The following CREBL2 variants were observed in gnomAD, a reference collection of about 807,000 sequenced individuals.
CREBL2 encodes cAMP-responsive element-binding protein-like 2.
In CREBL2, 4 loss-of-function variants were observed where a neutral mutation model predicts 19.5. That is an observed-to-expected ratio of 0.20 (90% CI 0.10 to 0.47). The LOEUF is 0.47. CREBL2 is among the 20% of genes least tolerant of loss of function. The probability of loss-of-function intolerance (pLI) is 0.98; values close to 1 mark genes in which losing one functional copy is unlikely to be tolerated. For missense variants in CREBL2, 85 were observed against 145.1 expected, an observed-to-expected ratio of 0.59 and a Z score of 2.13; for synonymous variants, 42 against 46.6, an observed-to-expected ratio of 0.90 and a Z score of 0.40.
intron 1 of CREBL2, among the ~76,000 whole-genome samples, chr12:12,620,060 T>C (rs1945348358): frequency 2.0e-5 from 3 of 152,194 alleles, no homozygotes; most frequent in Admixed American, 2.0e-4. Flanking sequence ...TTAACCATCC[T>C]CTGCTGCAGT....
At chr12:12,629,291 T>C (rs1004023847) in intron 1 of CREBL2, among the ~76,000 whole-genome samples, 8 of 152,238 alleles carry the variant, frequency 5.3e-5, no homozygotes, top group African/African-American at 1.9e-4. Context: ...TTAATTTCTT[T>C]TAATGATATT....
Position 12,642,634 on chromosome 12 carries a change from A to G in CREBL2, c.*636A>G, listed in dbSNP as rs557313000. The G allele has an allele frequency of 1.7e-4, 26 of 152,460 alleles. No homozygotes were observed. The highest frequency in any genetic ancestry group is 4.6e-4 in the African/African-American group (19 of 41,586). The allele number at this position is 152,460 out of a possible 1,614,324, so 9.4% of individuals were successfully genotyped here. On this transcript the variant is annotated 3_prime_UTR_variant, in exon 4 of 4. Transcript: ENST00000228865. ...TATGCCTGTTTTAAATAACATACATATTAACAATATCTATCAGGAAAACCC... is the reference window on the plus strand; with the variant it reads ...TATGCCTGTTTTAAATAACATACATGTTAACAATATCTATCAGGAAAACCC...
At chr12:12,625,726 T>C (rs1249952930) in intron 1 of CREBL2, among the ~76,000 whole-genome samples, 1 of 152,230 alleles carries the variant, frequency 6.6e-6, no homozygotes, top group African/African-American at 2.4e-5. Flanking sequence ...TCTGTGTCTA[T>C]GTATACACAT....
rs910791351 is a variant in CREBL2, at chr12:12,638,739, A to G, written c.358+1025A>G. The stretch of plus-strand genomic sequence containing the variant: ...GCAGAAAGGCTGGCTAAGGTGCCCA[A>G]GGTCACACAGCTTTAATGGTAGAAC... On this transcript the variant is annotated intron_variant, in intron 3 of 3. Transcript: ENST00000228865. Among the ~76,000 whole-genome samples, 8 of 152,204 alleles carry G rather than the reference A, an allele frequency of 5.3e-5. No individual in the cohort carries two copies. In the East Asian group the frequency reaches 5.8e-4, roughly 11 times the overall value.
At chr12:12,626,339 A>C (rs1438788428) in intron 1 of CREBL2, among the ~76,000 whole-genome samples, 1 of 152,166 alleles carries the variant, frequency 6.6e-6, no homozygotes, top group East Asian at 1.9e-4. Flanking sequence ...TGTAATGGTT[A>C]ATTATAGAAT....
In CREBL2 at chr12:12,641,253, ATTTTTTTTTATTT is replaced by A. The variant is rs1178784589; in HGVS notation, c.359-731_359-719del. 5.2e-4 allele frequency among the ~76,000 whole-genome samples: 41 copies of A among 78,240 alleles called. 1 individual carries two copies. In the East Asian group the frequency reaches 1.0e-2, roughly 19 times the overall value. 51.3% of individuals were successfully genotyped at this position (78,240 alleles called of 152,430 possible). On this transcript the variant is annotated intron_variant, in intron 3 of 3. Coordinates refer to ENST00000228865, the MANE Select transcript of CREBL2 (RefSeq NM_001310.4). Reference sequence around the variant, plus strand: ...TATTATTATTATTATTATTATTATTATTTTTTTTTATTTTTTTTTTTTTTAGGTCAACCTCTGG... The same window carrying A: ...TATTATTATTATTATTATTATTATTATTTTTTTTTTTAGGTCAACCTCTGG...
intron 1 of CREBL2, among the ~76,000 whole-genome samples, chr12:12,632,070 T>G (rs1945445813): frequency 2.1e-5 from 1 of 48,166 alleles, no homozygotes; most frequent in Non-Finnish European, 4.5e-5. Flanking sequence ...ATGCCTTTCT[T>G]TTTTTTTTTT....
chr12:12,626,396 C>G (rs1416561581), intron 1 of CREBL2, among the ~76,000 whole-genome samples: 1 of 152,118 alleles, frequency 6.6e-6, no homozygotes, highest in African/African-American at 2.4e-5. Context: ...TCTTAATTCT[C>G]AACCTTAAAA....
chr12:12,619,731 A>G (rs1215758812), intron 1 of CREBL2, among the ~76,000 whole-genome samples: 2 of 152,196 alleles, frequency 1.3e-5, no homozygotes, highest in Admixed American at 6.5e-5. Flanking sequence ...TTTATGTTGG[A>G]CTTTATTGAA....
intron 3 of CREBL2, 97 bp downstream of exon 3, chr12:12,637,811 T>C: frequency 3.8e-6 from 5 of 1,314,556 alleles, no homozygotes; most frequent in Non-Finnish European, 5.0e-6. Context: ...GAGGCCGAGG[T>C]GGGCAGATCG....
rs869253910 is a variant in CREBL2 at position 12,632,068 on chromosome 12, C to CTTTTTTT, written c.16-3688_16-3682dup. On this transcript the variant is annotated intron_variant, in intron 1 of 3. Coordinates refer to ENST00000228865, the MANE Select transcript of CREBL2 (RefSeq NM_001310.4). ...CCTTGGATTCATATACTATGCCTTT[C>CTTTTTTT]TTTTTTTTTTTTTTTTTTTTTTTTT... 4.6e-3 allele frequency among the ~76,000 whole-genome samples: 370 copies of CTTTTTTT among 80,632 alleles called. 44 individuals are homozygous for CTTTTTTT. Among genetic ancestry groups the CTTTTTTT allele is most frequent in the Middle Eastern group, 0.018 (1 of 56 alleles). 52.9% of individuals were successfully genotyped at this position (80,632 alleles called of 152,430 possible). A position where few individuals can be genotyped will look rare whatever the true frequency, so the allele number is the denominator to read the frequency against.
At position 12,614,104 on chromosome 12, in the gene CREBL2, C is replaced by T. The variant is rs1945289475; in HGVS notation, c.15+1917C>T. On this transcript the variant is annotated intron_variant, in intron 1 of 3. Coordinates refer to ENST00000228865, the MANE Select transcript of CREBL2 (RefSeq NM_001310.4). ...TTGCTCTTGGGTTCAAGCAATTCTC[C>T]TGCCTCAGCCTCCTGAGTAGCTGGG... Among the ~76,000 whole-genome samples the T allele has an allele frequency of 1.3e-5, 2 of 149,184 alleles. 1 individual carries two copies. Among genetic ancestry groups the T allele is most frequent in the African/African-American group, 4.9e-5 (2 of 40,476 alleles).
intron 1 of CREBL2, among the ~76,000 whole-genome samples, chr12:12,633,955 A>G (rs1315992727): frequency 6.6e-6 from 1 of 152,244 alleles, no homozygotes; most frequent in Admixed American, 6.5e-5. Context: ...CAGGACACTA[A>G]AGATATAAAA....
chr12:12,620,010 A>G (rs1945348124), intron 1 of CREBL2, among the ~76,000 whole-genome samples: 1 of 152,158 alleles, frequency 6.6e-6, no homozygotes, highest in Non-Finnish European at 1.5e-5. Flanking sequence ...AATTTGGCAA[A>G]AAAATCTCTT....
intron 1 of CREBL2, among the ~76,000 whole-genome samples, chr12:12,625,065 C>T (rs1012482989): frequency 5.3e-5 from 8 of 152,138 alleles, no homozygotes; most frequent in Admixed American, 1.3e-4. Flanking sequence ...GCCGTAGTCT[C>T]GTCTACCAGT....
chr12:12,642,013 T>C lies in CREBL2; in HGVS notation c.*15T>C. The C allele has an allele frequency of 6.4e-7, 1 of 1,559,576 alleles. No individual in the cohort carries two copies. Among genetic ancestry groups the C allele is most frequent in the South Asian group, 1.1e-5 (1 of 87,690 alleles). ...TTTCAGGGTGAAGATTATATAAAGA[T>C]GAGTCAGTGATTGAAGCCAATATTC... is the stretch of plus-strand genomic sequence containing the variant. On this transcript the variant is annotated 3_prime_UTR_variant, in exon 4 of 4. Coordinates refer to ENST00000228865, the MANE Select transcript of CREBL2 (RefSeq NM_001310.4).
At chr12:12,613,129 C>A (rs1056676359) in intron 1 of CREBL2, among the ~76,000 whole-genome samples, 1 of 152,238 alleles carries the variant, frequency 6.6e-6, no homozygotes, top group Admixed American at 6.5e-5. Flanking sequence ...CTCGGCCTCC[C>A]AAAGTGCTGG....
intron 1 of CREBL2, among the ~76,000 whole-genome samples, chr12:12,626,596 C>T (rs1231600598): frequency 5.9e-5 from 9 of 152,084 alleles, no homozygotes; most frequent in Non-Finnish European, 2.9e-5. Flanking sequence ...ATAAAATTCA[C>T]CCTTTTAATT....
Position 12,645,093 on chromosome 12 carries a change from T to G in CREBL2, c.*3095T>G, listed in dbSNP as rs888309402. 2 of 152,206 alleles carry G rather than the reference T, an allele frequency of 1.3e-5. No individual in the cohort carries two copies. Among genetic ancestry groups the G allele is most frequent in the Non-Finnish European group, 2.9e-5 (2 of 68,028 alleles). 9.4% of individuals were successfully genotyped at this position (152,206 alleles called of 1,614,324 possible). A position where few individuals can be genotyped will look rare whatever the true frequency, so the allele number is the denominator to read the frequency against. On this transcript the variant is annotated 3_prime_UTR_variant, in exon 4 of 4. Coordinates refer to ENST00000228865, the MANE Select transcript of CREBL2 (RefSeq NM_001310.4). ...TAAATAGGGAAGAACTACATTAAATTTAAATATTCACATTATGCCTGTGTT... is the reference window on the plus strand; with the variant it reads ...TAAATAGGGAAGAACTACATTAAATGTAAATATTCACATTATGCCTGTGTT...
Sources: gnomAD v4.1 joint callset for allele counts (sites outside exome capture counted in the v4.1 genomes callset) on GRCh38, gnomAD v4.1.1 for gene constraint, MANE v1.5 for transcripts, NCBI Gene and HGNC (gene_info 2026-07-23, HGNC 2026-07-21) for gene names.